ATP10B: variants seen among roughly 807,000 people sequenced by gnomAD.
The protein encoded by ATP10B is phospholipid-transporting ATPase VB.
Under a neutral mutation model 141.2 loss-of-function variants are expected in ATP10B, and 122 were observed. The ratio of observed to expected loss-of-function variants is 0.86; its 90% CI spans 0.75 to 1.00. The LOEUF (loss-of-function observed/expected upper bound fraction) is 1.00, where lower values mean the gene tolerates loss of function less well. Ranked by LOEUF, ATP10B falls within the 50% of genes least tolerant of loss-of-function variation. The pLI is 0.00. For synonymous variants in ATP10B, 685 were observed against 692.0 expected, an observed-to-expected ratio of 0.99 and a Z score of 0.16; for missense variants, 1,876 against 1,825.3, an observed-to-expected ratio of 1.03 and a Z score of -0.51.
At chr5:160,895,455 G>A in the ATP10B span, among the ~76,000 whole-genome samples, 9 of 151,002 alleles carry the variant, frequency 6.0e-5, no homozygotes, top group African/African-American at 1.9e-4. Context: ...AAAGACAAGG[G>A]CATTACATAA....
chr5:160,824,459 GTCT>G lies in ATP10B; in HGVS notation c.-576+27479_-576+27481del, dbSNP rs556105998. ...CAAGAGGCATGCCAGAGAAGGTCAT[GTCT>G]TCTTTGAATACAGTCATTTGTTGCT... On this transcript the variant is annotated intron_variant, in intron 1 of 25. Transcript: ENST00000327245. Among the ~76,000 whole-genome samples the G allele has an allele frequency of 2.0e-5, 3 of 152,334 alleles. No homozygotes were observed. The South Asian group carries it at 6.2e-4, about 32-fold the overall frequency.
chr5:160,609,299 C>T (rs549907463), intron 18 of ATP10B, among the ~76,000 whole-genome samples: 1 of 151,804 alleles, frequency 6.6e-6, no homozygotes, highest in Non-Finnish European at 1.5e-5. Context: ...ACTGTGAAAG[C>T]AGTTCTGAAG....
chr5:160,859,631 T>TA, the ATP10B span, among the ~76,000 whole-genome samples: 5 of 151,962 alleles, frequency 3.3e-5, no homozygotes, highest in South Asian at 2.1e-4. Context: ...CCAGGCACAG[T>TA]AAAAAACAGA....
chr5:160,823,823 G>A (rs1191417851), intron 1 of ATP10B, among the ~76,000 whole-genome samples: 1 of 151,996 alleles, frequency 6.6e-6, no homozygotes, highest in Admixed American at 6.5e-5. Flanking sequence ...GACAGAGTGA[G>A]ACTCCGTCTC....
intron 21 of ATP10B, 47 bp downstream of exon 21, chr5:160,602,530 C>T: frequency 6.2e-7 from 1 of 1,611,094 alleles, no homozygotes. Flanking sequence ...GGCCCCGTGG[C>T]AAGGCCTGCC....
At chr5:160,865,505 T>C in the ATP10B span, among the ~76,000 whole-genome samples, 1 of 152,150 alleles carries the variant, frequency 6.6e-6, no homozygotes, top group African/African-American at 2.4e-5. Context: ...CTTCTAGACA[T>C]TGGCTTAGAC....
At chr5:160,591,392 A>C (rs1217381974) in intron 22 of ATP10B, among the ~76,000 whole-genome samples, 1 of 152,214 alleles carries the variant, frequency 6.6e-6, no homozygotes, top group African/African-American at 2.4e-5. Context: ...GGGCAAAAAT[A>C]ACACAGCCTA....
In ATP10B at chr5:160,785,871, G is replaced by A. The variant is rs77527647; in HGVS notation, c.-575-68C>T. On this transcript the variant is annotated intron_variant, in intron 1 of 25. Coordinates refer to ENST00000327245, the MANE Select transcript of ATP10B (RefSeq NM_025153.3). ...TCATTTTAGTATCAGCAATAATCAAGTATTTTGCCCTTTTCTCTTTAACTG... is the reference window on the plus strand; with the variant it reads ...TCATTTTAGTATCAGCAATAATCAAATATTTTGCCCTTTTCTCTTTAACTG... 1,008 of 290,706 alleles carry A rather than the reference G, an allele frequency of 3.5e-3. 8 individuals carry two copies. The highest frequency in any genetic ancestry group is 0.022 in the African/African-American group (949 of 44,038). 18.0% of individuals were successfully genotyped at this position (290,706 alleles called of 1,614,324 possible). A position where few individuals can be genotyped will look rare whatever the true frequency, so the allele number is the denominator to read the frequency against.
chr5:160,754,946 T>C (rs994541984), intron 2 of ATP10B, among the ~76,000 whole-genome samples: 3 of 152,240 alleles, frequency 2.0e-5, no homozygotes, highest in African/African-American at 7.2e-5. Flanking sequence ...CATATAGTCA[T>C]GCTTCACCCA....
chr5:160,899,861 G>A, the ATP10B span, among the ~76,000 whole-genome samples: 1 of 152,120 alleles, frequency 6.6e-6, no homozygotes, highest in Admixed American at 6.6e-5. Flanking sequence ...ACACTCTTGA[G>A]GTCCTTTTCC....
intron 22 of ATP10B, among the ~76,000 whole-genome samples, chr5:160,597,370 C>T (rs1490668426): frequency 6.6e-6 from 1 of 152,142 alleles, no homozygotes; most frequent in Non-Finnish European, 1.5e-5. Context: ...GGATCCCTTC[C>T]TTACACCTTA....
chr5:160,806,471 T>C (rs779782317), intron 1 of ATP10B, among the ~76,000 whole-genome samples: 1 of 152,210 alleles, frequency 6.6e-6, no homozygotes, highest in Non-Finnish European at 1.5e-5. Flanking sequence ...CCCCAGAACC[T>C]AGGGAATAAG....
At chr5:160,612,364 C>T (rs557398650) in intron 18 of ATP10B, 2 of 162,304 alleles carry the variant, frequency 1.2e-5, no homozygotes, top group East Asian at 3.6e-4. Context: ...TAGCTCAGTT[C>T]TAGACTTAGT....
intron 7 of ATP10B, among the ~76,000 whole-genome samples, chr5:160,653,644 ATAT>A (rs1369067317): frequency 1.2e-5 from 1 of 80,274 alleles, no homozygotes; most frequent in African/African-American, 5.4e-5. Context: ...ATATACATAT[ATAT>A]TATATATACA....
rs566450773 is a variant in ATP10B, at chr5:160,823,890, T to C, written c.-576+28051A>G. Among the ~76,000 whole-genome samples the C allele has an allele frequency of 5.9e-5, 9 of 152,188 alleles. No homozygotes were observed. In the East Asian group the frequency reaches 1.5e-3, roughly 26 times the overall value. On this transcript the variant is annotated intron_variant, in intron 1 of 25. Transcript: ENST00000327245. ...AGCCCGTAAATATATACACCTACAATGTACCCACAAAAATTAAAAATTAAA... is the reference window on the plus strand; with the variant it reads ...AGCCCGTAAATATATACACCTACAACGTACCCACAAAAATTAAAAATTAAA...
At chr5:160,699,537 G>A (rs1425636376) in intron 3 of ATP10B, among the ~76,000 whole-genome samples, 2 of 152,196 alleles carry the variant, frequency 1.3e-5, no homozygotes, top group African/African-American at 2.4e-5. Flanking sequence ...TGAGGTGGGG[G>A]CAGGCATGGA....
At position 160,737,077 on chromosome 5, in the gene ATP10B, T is replaced by C. The variant is rs1488340475; in HGVS notation, c.-330-20043A>G. Among the ~76,000 whole-genome samples, 3 of 152,324 alleles carry C rather than the reference T, an allele frequency of 2.0e-5. No homozygotes were observed. In the East Asian group the frequency reaches 5.8e-4, roughly 29 times the overall value. On this transcript the variant is annotated intron_variant, in intron 2 of 25. Transcript: ENST00000327245. ...ATACATCATGACCAAGTGGGATTTA[T>C]CCCTGGGATGCAAGGATGGGTCAAC...
At chr5:160,748,159 C>T (rs909776720) in intron 2 of ATP10B, among the ~76,000 whole-genome samples, 1 of 152,082 alleles carries the variant, frequency 6.6e-6, no homozygotes, top group Non-Finnish European at 1.5e-5. Context: ...ACTGCAGTAC[C>T]GCTTTTGGAA....
chr5:160,701,823 G>A (rs1363899550), intron 3 of ATP10B, among the ~76,000 whole-genome samples: 1 of 150,552 alleles, frequency 6.6e-6, no homozygotes, highest in East Asian at 2.0e-4. Context: ...CTTCCTGGGA[G>A]CAGTCACCCT....
Sources: gnomAD v4.1 joint callset for allele counts (sites outside exome capture counted in the v4.1 genomes callset) on GRCh38, gnomAD v4.1.1 for gene constraint, MANE v1.5 for transcripts, NCBI Gene and HGNC (gene_info 2026-07-23, HGNC 2026-07-21) for gene names.